Variants in PCDHGB5 observed in about 807,000 individuals in gnomAD.
The protein encoded by PCDHGB5 is protocadherin gamma-B5.
Under a neutral mutation model 62.9 loss-of-function variants are expected in PCDHGB5, and 48 were observed. That is an observed-to-expected ratio of 0.76 (90% CI 0.61 to 0.97). The LOEUF (loss-of-function observed/expected upper bound fraction) is 0.97, where lower values mean the gene tolerates loss of function less well. Ranked by LOEUF, PCDHGB5 falls within the 50% of genes least tolerant of loss-of-function variation. The probability of loss-of-function intolerance (pLI) is 0.00; values close to 1 mark genes in which losing one functional copy is unlikely to be tolerated. For missense variants in PCDHGB5, 1,118 were observed against 1,198.6 expected, an observed-to-expected ratio of 0.93 and a Z score of 0.99; for synonymous variants, 474 against 511.2, an observed-to-expected ratio of 0.93 and a Z score of 0.98.
chr5:141,420,846 T>C (rs2096528755), intron 1 of PCDHGB5, among the ~76,000 whole-genome samples: 1 of 152,252 alleles, frequency 6.6e-6, no homozygotes, highest in Non-Finnish European at 1.5e-5. Context: ...GTGTTCTTGG[T>C]AAAGTTTTAA....
At chr5:141,409,462 C>A (rs377705841) in intron 1 of PCDHGB5, 64 of 1,613,870 alleles carry the variant, frequency 4.0e-5, no homozygotes, top group Non-Finnish European at 5.3e-5. Flanking sequence ...AATACAATGT[C>A]ACCATCGTAG....
At chr5:141,447,675 C>T (rs1416110491) in intron 1 of PCDHGB5, among the ~76,000 whole-genome samples, 13 of 152,064 alleles carry the variant, frequency 8.5e-5, no homozygotes, top group Admixed American at 8.5e-4. Context: ...TAGAACTGTT[C>T]CATATCTTGA....
chr5:141,482,591 A>G lies in PCDHGB5; in HGVS notation c.2398-12216A>G, dbSNP rs115650612. Among the ~76,000 whole-genome samples the G allele has an allele frequency of 6.3e-4, 95 of 151,838 alleles. 1 individual carries two copies. The highest frequency in any genetic ancestry group is 2.3e-3 in the African/African-American group (95 of 41,350). On this transcript the variant is annotated intron_variant, in intron 1 of 3. Coordinates refer to ENST00000617380, the MANE Select transcript of PCDHGB5 (RefSeq NM_018925.3). ...ATAGCATAAGATGCAGTGGGACCAA[A>G]CGGGAAAAAACACCTAAATGAGCCT...
chr5:141,477,212 C>CCTCT lies in PCDHGB5; in HGVS notation c.2398-17594_2398-17591dup. 6.2e-7 allele frequency: 1 copy of CCTCT among 1,614,166 alleles called. No homozygotes were observed. The highest frequency in any genetic ancestry group is 8.5e-7 in the Non-Finnish European group (1 of 1,180,042). The stretch of plus-strand genomic sequence containing the variant: ...GTACAGCCCAGTACCCGAGGATGCC[C>CCTCT]CTCTGGGGACTGTCATCGCTTTGCT... On this transcript the variant is annotated intron_variant, in intron 1 of 3. Coordinates refer to ENST00000617380, the MANE Select transcript of PCDHGB5 (RefSeq NM_018925.3). This position sits in a 1 kb window ranked among gnomAD's most constrained non-coding sequence, Gnocchi z 4.9.
chr5:141,479,625 T>C (rs2099501262), intron 1 of PCDHGB5: 1 of 152,228 alleles, frequency 6.6e-6, no homozygotes, highest in Non-Finnish European at 1.5e-5. Flanking sequence ...ACCATGTCTC[T>C]TTAACAATAA....
intron 1 of PCDHGB5, chr5:141,423,469 C>G: frequency 3.1e-6 from 5 of 1,613,948 alleles, no homozygotes; most frequent in Non-Finnish European, 4.2e-6. Flanking sequence ...GGACGGGGTA[C>G]AGGCTTTCCT....
rs1231167998 is a variant in PCDHGB5, at chr5:141,399,197, T to C, written c.1070T>C (p.Val357Ala). 1.9e-6 allele frequency: 3 copies of C among 1,613,808 alleles called. No individual in the cohort carries two copies. In the African/African-American group the frequency reaches 4.0e-5, roughly 22 times the overall value. Residue 357 changes from valine (V) to alanine (A), a missense_variant, in exon 1 of 4, where the codon GTG becomes GCG. By Grantham distance (64) the Val-to-Ala change is moderately conservative. This residue lies in a region of PCDHGB5 where 1,034 missense variants were observed against 1,029.1 expected (regional missense o/e 1.00). Transcript: ENST00000617380. ...SLLEMILENA[V>A]PGTLIALIKI... ...CTTGAAATGATTCTGGAAAACGCGGTGCCTGGAACACTAATTGCTTTGATC... is the reference window on the plus strand; with the variant it reads ...CTTGAAATGATTCTGGAAAACGCGGCGCCTGGAACACTAATTGCTTTGATC...
intron 1 of PCDHGB5, chr5:141,413,400 G>C: frequency 6.2e-7 from 1 of 1,614,060 alleles, no homozygotes; most frequent in Non-Finnish European, 8.5e-7. Context: ...CCAGAGGTAG[G>C]ACGCAGCTTT....
At chr5:141,478,161 C>T (rs201111122) in intron 1 of PCDHGB5, 20 of 1,613,852 alleles carry the variant, frequency 1.2e-5, no homozygotes, top group Admixed American at 3.3e-5. Context: ...TCTGGCTCTG[C>T]CCCCCGGGAG....
At chr5:141,420,403 G>T in intron 1 of PCDHGB5, 3 of 1,246,014 alleles carry the variant, frequency 2.4e-6, no homozygotes, top group East Asian at 2.8e-5. Context: ...TCAAATTTAT[G>T]GTTATCATTA....
intron 1 of PCDHGB5, chr5:141,404,674 T>C: frequency 1.9e-6 from 3 of 1,614,176 alleles, no homozygotes; most frequent in East Asian, 2.2e-5. Context: ...GTTCTACTGG[T>C]GTGGAGCTGG....
Position 141,431,442 on chromosome 5 carries a change from T to G in PCDHGB5, c.2397+30918T>G. 6.2e-7 allele frequency: 1 copy of G among 1,613,746 alleles called. No individual in the cohort carries two copies. The highest frequency in any genetic ancestry group is 1.7e-5 in the Admixed American group (1 of 60,014). The stretch of plus-strand genomic sequence containing the variant: ...CCGGTGCGCACAGGCACCGCGCGCA[T>G]CCGCGTGATGGTTCTGGATGCGAAC... On this transcript the variant is annotated intron_variant, in intron 1 of 3. Coordinates refer to ENST00000617380, the MANE Select transcript of PCDHGB5 (RefSeq NM_018925.3). This position sits in a 1 kb window ranked among gnomAD's most constrained non-coding sequence, Gnocchi z 4.8.
intron 1 of PCDHGB5, among the ~76,000 whole-genome samples, chr5:141,459,176 T>C (rs2098962762): frequency 6.6e-6 from 1 of 152,210 alleles, no homozygotes. Context: ...CTTCAAAAGT[T>C]CCCTCATGCC....
chr5:141,409,639 G>A, intron 1 of PCDHGB5: 1 of 1,613,760 alleles, frequency 6.2e-7, no homozygotes, highest in Non-Finnish European at 8.5e-7. Flanking sequence ...CCTCTGACCC[G>A]GATTTGGGGC....
chr5:141,433,093 G>A (rs1203083573), intron 1 of PCDHGB5: 4 of 1,614,206 alleles, frequency 2.5e-6, no homozygotes, highest in Admixed American at 1.7e-5. Flanking sequence ...ATGCAGACAT[G>A]CTCGTCAGCC....
chr5:141,478,635 A>T, intron 1 of PCDHGB5: 1 of 1,552,830 alleles, frequency 6.4e-7, no homozygotes, highest in Non-Finnish European at 8.7e-7. Context: ...TTTTTTAGTG[A>T]TGAAGATGTT....
chr5:141,483,637 G>C (rs1365525499), intron 1 of PCDHGB5, among the ~76,000 whole-genome samples: 2 of 145,762 alleles, frequency 1.4e-5, no homozygotes. Context: ...AAGGTATAGA[G>C]GGGTGTGTGT....
chr5:141,511,055 A>ATG lies in PCDHGB5; in HGVS notation c.2656_2657dup (p.Tyr887SerfsTer10). 1 of 1,614,218 alleles carries ATG rather than the reference A, an allele frequency of 6.2e-7. No individual in the cohort carries two copies. The highest frequency in any genetic ancestry group is 8.5e-7 in the Non-Finnish European group (1 of 1,180,026). On this transcript the variant is annotated frameshift_variant, in exon 4 of 4. Coordinates refer to ENST00000617380, the MANE Select transcript of PCDHGB5 (RefSeq NM_018925.3). LOFTEE classifies it high-confidence loss of function. Reference sequence around the variant, plus strand: ...CAGCACGTGCCCGACTACCGCCAGAATGTCTACATCCCAGGCAGCAATGCC... The same window carrying ATG: ...CAGCACGTGCCCGACTACCGCCAGAATGTGTCTACATCCCAGGCAGCAATGCC...
rs371130763 is a variant in PCDHGB5 at position 141,432,970 on chromosome 5, G to A, written c.2397+32446G>A. The A allele has an allele frequency of 5.0e-6, 8 of 1,613,996 alleles. No homozygotes were observed. Among genetic ancestry groups the A allele is most frequent in the East Asian group, 4.5e-5 (2 of 44,868 alleles). ...GAGGCGGCTTGACAGGAGCGCCGGC[G>A]TCGCACTTTGTGGGCGTGGACGGGG... On this transcript the variant is annotated intron_variant, in intron 1 of 3. Transcript: ENST00000617380. The surrounding 1 kb of genome is among the most constrained non-coding windows in gnomAD (Gnocchi z 6.0).
Sources: gnomAD v4.1 joint callset for allele counts (sites outside exome capture counted in the v4.1 genomes callset) on GRCh38, gnomAD v4.1.1 for gene constraint, gnomAD v4.1.1 regional missense constraint, Gnocchi (gnomAD v3.1) non-coding constraint, MANE v1.5 for transcripts, NCBI Gene and HGNC (gene_info 2026-07-23, HGNC 2026-07-21) for gene names.